The following KDM4C variants were observed in gnomAD, a reference collection of about 807,000 sequenced individuals.
KDM4C encodes lysine demethylase 4C, also known as lysine-specific demethylase 4C.
KDM4C carries 81 observed loss-of-function variants against 129.3 expected under a neutral mutation model. The ratio of observed to expected loss-of-function variants is 0.63; its 90% CI spans 0.52 to 0.75. The LOEUF (loss-of-function observed/expected upper bound fraction) is 0.75. Among genes scored for constraint, KDM4C ranks in the 30% least tolerant of loss-of-function variants. The pLI, the probability that KDM4C is intolerant of heterozygous loss-of-function variation, is 0.00. For synonymous variants in KDM4C, 573 were observed against 456.1 expected (o/e 1.26, Z -3.26); for missense variants, 1,457 against 1,304.0 (o/e 1.12, Z -1.81).
intron 1 of KDM4C, among the ~76,000 whole-genome samples, chr9:6,764,062 A>G (rs577371655): frequency 9.8e-5 from 15 of 152,298 alleles, no homozygotes; most frequent in African/African-American, 3.6e-4. Context: ...CCCAGCCAGA[A>G]TACACTTTTA....
At chr9:6,844,582 C>T (rs1205535944) in intron 4 of KDM4C, among the ~76,000 whole-genome samples, 2 of 152,236 alleles carry the variant, frequency 1.3e-5, no homozygotes, top group Non-Finnish European at 2.9e-5. Flanking sequence ...CGAAGTTACA[C>T]AGGTTTCCTT....
intron 6 of KDM4C, among the ~76,000 whole-genome samples, chr9:6,881,713 C>A (rs1347244658): frequency 6.6e-6 from 1 of 152,144 alleles, no homozygotes; most frequent in Non-Finnish European, 1.5e-5. Flanking sequence ...GAAGGATGAA[C>A]AAGAACTTGA....
At position 6,840,279 on chromosome 9, in the gene KDM4C, T is replaced by G. The variant is rs553259644; in HGVS notation, c.436-9228T>G. Among the ~76,000 whole-genome samples the G allele has an allele frequency of 1.4e-4, 22 of 152,072 alleles. 1 individual carries two copies. In the South Asian group the frequency reaches 4.4e-3, roughly 30 times the overall value. On this transcript the variant is annotated intron_variant, in intron 4 of 21. Coordinates refer to ENST00000381309, the MANE Select transcript of KDM4C (RefSeq NM_015061.6). ...ATAGAAATGGGGTTTTGCTATGTTG[T>G]CCTGGCTAGTCTTGAACTCCTGGGC...
At chr9:7,077,724 A>G (rs1300592520) in intron 17 of KDM4C, among the ~76,000 whole-genome samples, 2 of 152,164 alleles carry the variant, frequency 1.3e-5, no homozygotes, top group African/African-American at 4.8e-5. Context: ...CATTGCCTGG[A>G]CTTCACAATG....
At chr9:6,722,263 A>T (rs546968772) in intron 1 of KDM4C, among the ~76,000 whole-genome samples, 1 of 152,264 alleles carries the variant, frequency 6.6e-6, no homozygotes, top group East Asian at 1.9e-4. Context: ...TAAGCAGTGA[A>T]TTGGGAGGAT....
Position 6,820,991 on chromosome 9 carries a change from A to G in KDM4C, c.435+6246A>G, listed in dbSNP as rs898794504. Among the ~76,000 whole-genome samples, 5 of 149,956 alleles carry G rather than the reference A, an allele frequency of 3.3e-5. No individual in the cohort carries two copies. The East Asian group carries it at 9.9e-4, about 30-fold the overall frequency. On this transcript the variant is annotated intron_variant, in intron 4 of 21. Transcript: ENST00000381309. Reference sequence around the variant, plus strand: ...CATTGTTTGGTTTTCTGTCCTTGTGATAGTTTGCTGGTAATGATGGTTTAT... The same window carrying G: ...CATTGTTTGGTTTTCTGTCCTTGTGGTAGTTTGCTGGTAATGATGGTTTAT...
intron 8 of KDM4C, among the ~76,000 whole-genome samples, chr9:6,969,670 C>T (rs1039889519): frequency 5.3e-5 from 8 of 152,162 alleles, no homozygotes; most frequent in South Asian, 4.1e-4. Context: ...CAAATTGTTA[C>T]GCTCTGGTTT....
intron 1 of KDM4C, among the ~76,000 whole-genome samples, chr9:6,746,856 ATT>A (rs1817893194): frequency 6.6e-6 from 1 of 150,850 alleles, no homozygotes; most frequent in Non-Finnish European, 1.5e-5. Flanking sequence ...AATACAAAAA[ATT>A]AGCCGGGCGT....
intron 5 of KDM4C, among the ~76,000 whole-genome samples, chr9:6,858,895 T>C (rs1232569740): frequency 1.3e-5 from 2 of 152,070 alleles, no homozygotes; most frequent in African/African-American, 4.8e-5. Context: ...ATTGTTTAGA[T>C]TGGAGTTGGT....
chr9:6,811,719 A>G (rs1831183816), intron 3 of KDM4C, among the ~76,000 whole-genome samples: 1 of 152,184 alleles, frequency 6.6e-6, no homozygotes, highest in Non-Finnish European at 1.5e-5. Context: ...ATTTTTTAGA[A>G]GAATAACTGA....
At chr9:6,972,865 G>A (rs534049040) in intron 8 of KDM4C, among the ~76,000 whole-genome samples, 39 of 152,286 alleles carry the variant, frequency 2.6e-4, no homozygotes, top group Non-Finnish European at 5.3e-4. Flanking sequence ...TGGCTAGAGA[G>A]AAATTGTAAG....
At chr9:6,819,683 A>G (rs10815469) in intron 4 of KDM4C, among the ~76,000 whole-genome samples, 63,551 of 151,984 alleles carry the variant, frequency 0.42, 13,572 homozygotes, top group East Asian at 0.61. Flanking sequence ...ACCCGCCTTG[A>G]GGTAGACAAA....
Position 6,940,579 on chromosome 9 carries a change from AT to A in KDM4C, c.922-40344del, listed in dbSNP as rs201891076. Among the ~76,000 whole-genome samples, 696 of 152,348 alleles carry A rather than the reference AT, an allele frequency of 4.6e-3. 4 individuals carry two copies. The highest frequency in any genetic ancestry group is 0.016 in the African/African-American group (670 of 41,580). On this transcript the variant is annotated intron_variant, in intron 8 of 21. Coordinates refer to ENST00000381309, the MANE Select transcript of KDM4C (RefSeq NM_015061.6). ...TTAAAATCATCCACAAGGCAGAGAT[AT>A]TCTTGAAAGTCATTACAGCTCTAAG... is the stretch of plus-strand genomic sequence containing the variant.
chr9:6,806,043 CAT>C lies in KDM4C; in HGVS notation c.320+270_320+271del, dbSNP rs547840044. Among the ~76,000 whole-genome samples the C allele has an allele frequency of 4.2e-3, 638 of 152,314 alleles. 7 individuals are homozygous for C. Among genetic ancestry groups the C allele is most frequent in the African/African-American group, 0.014 (598 of 41,578 alleles). On this transcript the variant is annotated intron_variant, in intron 3 of 21. Coordinates refer to ENST00000381309, the MANE Select transcript of KDM4C (RefSeq NM_015061.6). ...GTTGCCATGAGTTTTCGTTTCTACA[CAT>C]GATTCATGTTTGTTGGGCAGTTTTT...
intron 19 of KDM4C, among the ~76,000 whole-genome samples, chr9:7,162,757 C>T (rs1269445772): frequency 6.6e-6 from 1 of 151,864 alleles, no homozygotes; most frequent in Non-Finnish European, 1.5e-5. Flanking sequence ...AAGGGGAGGC[C>T]GTAACTCTCC....
At chr9:7,103,163 T>C (rs1468803624) in intron 17 of KDM4C, among the ~76,000 whole-genome samples, 4 of 152,224 alleles carry the variant, frequency 2.6e-5, no homozygotes, top group Non-Finnish European at 5.9e-5. Context: ...AGTTTCCACA[T>C]TGGACCATTT....
chr9:7,054,075 G>T (rs527496974), intron 17 of KDM4C, among the ~76,000 whole-genome samples: 2 of 152,190 alleles, frequency 1.3e-5, no homozygotes, highest in Non-Finnish European at 2.9e-5. Flanking sequence ...TATCCTTGTG[G>T]CAAGTCCTAT....
intron 4 of KDM4C, among the ~76,000 whole-genome samples, chr9:6,837,521 C>G (rs928599072): frequency 6.6e-6 from 1 of 152,212 alleles, no homozygotes; most frequent in African/African-American, 2.4e-5. Context: ...AGTCTTCACG[C>G]TTAATATCTT....
intron 16 of KDM4C, among the ~76,000 whole-genome samples, chr9:7,048,391 A>G (rs573156749): frequency 1.1e-4 from 16 of 152,192 alleles, no homozygotes; most frequent in South Asian, 1.0e-3. Flanking sequence ...GGATTTGACA[A>G]TTCTTTCAAG....
Sources: allele counts gnomAD v4.1 joint callset (sites outside exome capture counted in the v4.1 genomes callset), GRCh38; gene constraint gnomAD v4.1.1; transcripts MANE v1.5; gene names NCBI Gene and HGNC (gene_info 2026-07-23, HGNC 2026-07-21).